Variants in PRKDC observed in about 807,000 individuals in gnomAD.
The protein encoded by PRKDC is protein kinase, DNA-activated, catalytic subunit.
In PRKDC, 82 loss-of-function variants were observed where a neutral mutation model predicts 486.9. That is an observed-to-expected ratio of 0.17 (90% CI 0.14 to 0.20). The LOEUF (loss-of-function observed/expected upper bound fraction) is 0.20, where lower values mean the gene tolerates loss of function less well. PRKDC is among the 10% of genes least tolerant of loss of function. The probability of loss-of-function intolerance (pLI) is 1.00; values close to 1 mark genes in which losing one functional copy is unlikely to be tolerated. For synonymous variants in PRKDC, 1,895 were observed against 1,837.0 expected, an observed-to-expected ratio of 1.03 and a Z score of -0.81; for missense variants, 4,504 against 5,038.2, an observed-to-expected ratio of 0.89 and a Z score of 3.21.
chr8:47,930,833 G>A (rs576642593), intron 16 of PRKDC, 46 bp from the exon 17 acceptor site: 44 of 1,487,710 alleles, frequency 3.0e-5, no homozygotes, highest in Admixed American at 4.9e-5. Context: ...ATTCAATCAC[G>A]AATCACTCAA....
chr8:47,935,088 A>C, intron 13 of PRKDC, 30 bp from the exon 14 acceptor site: 1 of 1,402,320 alleles, frequency 7.1e-7, no homozygotes, highest in Non-Finnish European at 9.7e-7. Flanking sequence ...ACAAAAATGA[A>C]GGAAACACTG....
intron 25 of PRKDC, among the ~76,000 whole-genome samples, chr8:47,906,665 AAC>A (rs1042385887): frequency 2.7e-5 from 4 of 150,908 alleles, no homozygotes; most frequent in African/African-American, 9.7e-5. Context: ...AGTTAAGGTG[AAC>A]ACTCCCTACA....
intron 46 of PRKDC, among the ~76,000 whole-genome samples, chr8:47,859,258 A>C (rs1174298329): frequency 6.6e-6 from 1 of 151,412 alleles, no homozygotes; most frequent in Non-Finnish European, 1.5e-5. Context: ...TGTTACACTG[A>C]CCCCTGACCC....
intron 32 of PRKDC, 88 bp from the exon 33 acceptor site, chr8:47,889,310 G>A (rs1028933098): frequency 8.8e-7 from 1 of 1,141,696 alleles, no homozygotes; most frequent in Non-Finnish European, 1.2e-6. Flanking sequence ...GGGAACTTCT[G>A]CCTGACTAAG....
In PRKDC at chr8:47,936,343, G is replaced by C. The variant is rs1247369910; in HGVS notation, c.1278+10C>G. On this transcript the variant is annotated intron_variant, in intron 12 of 85. Transcript: ENST00000314191. ...AATACTTAAAATTGTGCTCAGTTTA[G>C]TTCACTTACTGTGTCAAGGTACAGC... The C allele has an allele frequency of 3.1e-6, 5 of 1,599,440 alleles. No individual in the cohort carries two copies. Among genetic ancestry groups the C allele is most frequent in the Non-Finnish European group, 2.6e-6 (3 of 1,172,532 alleles).
intron 59 of PRKDC, among the ~76,000 whole-genome samples, 189 bp from the exon 60 acceptor site, chr8:47,832,115 C>A (rs868702859): frequency 6.6e-6 from 1 of 152,240 alleles, no homozygotes; most frequent in Non-Finnish European, 1.5e-5. Flanking sequence ...GGCATGAGCG[C>A]TGAACGGGCC....
intron 52 of PRKDC, among the ~76,000 whole-genome samples, chr8:47,850,472 T>C (rs569541727): frequency 2.0e-5 from 3 of 151,944 alleles, no homozygotes; most frequent in African/African-American, 4.8e-5. Flanking sequence ...AACCAGAAAA[T>C]GGAAACACTC....
At chr8:47,939,928 G>C in intron 10 of PRKDC, 1 of 155,242 alleles carries the variant, frequency 6.4e-6, no homozygotes. Flanking sequence ...GGGACTAAGA[G>C]ACCAAGGATA....
At chr8:47,948,538 C>T (rs2090575314) in intron 7 of PRKDC, among the ~76,000 whole-genome samples, 1 of 150,194 alleles carries the variant, frequency 6.7e-6, no homozygotes, top group Non-Finnish European at 1.5e-5. Flanking sequence ...CAGCTCACTG[C>T]AACCTCCGCC....
intron 22 of PRKDC, among the ~76,000 whole-genome samples, chr8:47,916,872 G>A (rs148716256): frequency 1.1e-4 from 16 of 152,250 alleles, no homozygotes; most frequent in South Asian, 6.2e-4. Flanking sequence ...GCAAATTAAC[G>A]GAGTAAAAAT....
At chr8:47,811,001 G>C (rs1196551119) in intron 68 of PRKDC, among the ~76,000 whole-genome samples, 2 of 152,098 alleles carry the variant, frequency 1.3e-5, no homozygotes, top group Non-Finnish European at 2.9e-5. Flanking sequence ...GAGAAATTTG[G>C]ACAAAAAGCA....
chr8:47,876,487 C>T (rs150058905), intron 40 of PRKDC, among the ~76,000 whole-genome samples: 3 of 152,110 alleles, frequency 2.0e-5, no homozygotes, highest in African/African-American at 4.8e-5. Flanking sequence ...CATGGTGAGA[C>T]CCCGTCTCTA....
intron 42 of PRKDC, 26 bp from the exon 43 acceptor site, chr8:47,862,567 C>G (rs1189635905): frequency 1.3e-6 from 2 of 1,566,848 alleles, no homozygotes; most frequent in Admixed American, 1.9e-5. Context: ...TGTGACAAAT[C>G]AATTCACACA....
chr8:47,773,478 TC>T lies in PRKDC; in HGVS notation c.*694del. The T allele has an allele frequency of 4.6e-6, 1 of 219,190 alleles. No individual in the cohort carries two copies. The highest frequency in any genetic ancestry group is 2.2e-5 in the African/African-American group (1 of 44,740). 13.6% of individuals were successfully genotyped at this position (219,190 alleles called of 1,614,324 possible). A position where few individuals can be genotyped will look rare whatever the true frequency, so the allele number is the denominator to read the frequency against. Reference sequence around the variant, plus strand: ...CAATGCAAAGCACTTTTATGTATCTTCCAGTTGTAGATTGGAATAGCAAAAG... The same window carrying T: ...CAATGCAAAGCACTTTTATGTATCTTCAGTTGTAGATTGGAATAGCAAAAG... On this transcript the variant is annotated 3_prime_UTR_variant, in exon 86 of 86. Transcript: ENST00000314191.
intron 70 of PRKDC, 30 bp from the exon 71 acceptor site, chr8:47,801,016 A>G: frequency 1.3e-6 from 2 of 1,583,984 alleles, no homozygotes; most frequent in Non-Finnish European, 1.7e-6. Flanking sequence ...AAACAAAACA[A>G]AATTTTGTAT....
At chr8:47,814,329 AC>A (rs1218532864) in intron 68 of PRKDC, among the ~76,000 whole-genome samples, 3 of 152,194 alleles carry the variant, frequency 2.0e-5, no homozygotes, top group Admixed American at 2.0e-4. Flanking sequence ...TCATTTTAGC[AC>A]GTATATTCAA....
At position 47,960,102 on chromosome 8, in the gene PRKDC, G is replaced by A; in HGVS notation, c.25C>T (p.Arg9Cys). 1.3e-6 allele frequency: 2 copies of A among 1,513,930 alleles called. No individual in the cohort carries two copies. Among genetic ancestry groups the A allele is most frequent in the Non-Finnish European group, 8.8e-7 (1 of 1,135,902 alleles). The allele number at this position is 1,513,930 out of a possible 1,614,324, so 93.8% of individuals were successfully genotyped here. A position where few individuals can be genotyped will look rare whatever the true frequency, so the allele number is the denominator to read the frequency against. Residue 9 changes from arginine to cysteine, a missense_variant, in exon 1 of 86, where the codon CGT (arginine) becomes TGT (cysteine). Physicochemically the swap from Arg to Cys is radical, Grantham distance 180. Around this residue, in one of 6 missense-constraint regions of PRKDC, gnomAD observed 145 missense variants for 136.3 expected, o/e 1.06. Coordinates refer to ENST00000314191, the MANE Select transcript of PRKDC (RefSeq NM_006904.7). MAGSGAGVRCSLLRLQETL... is the reference protein window; with the variant it reads MAGSGAGVCCSLLRLQETL... The stretch of plus-strand genomic sequence containing the variant: ...TCCTGCAGCCGCAGCAGGGAGCAAC[G>A]CACACCGGCTCCGGAGCCCGCCATG...
chr8:47,928,104 A>C (rs74977672), intron 19 of PRKDC, among the ~76,000 whole-genome samples: 1 of 151,946 alleles, frequency 6.6e-6, no homozygotes, highest in African/African-American at 2.4e-5. Context: ...AATCTATTTC[A>C]TCTTGAGTTG....
chr8:47,929,176 T>C lies in PRKDC; in HGVS notation c.2055A>G (p.Gly685=), dbSNP rs1731653620. 2 of 1,562,808 alleles carry C rather than the reference T, an allele frequency of 1.3e-6. No homozygotes were observed. The highest frequency in any genetic ancestry group is 3.7e-5 in the Admixed American group (2 of 53,536). The change falls in exon 19 of 86, where the codon GGA becomes GGG. Residue 685 remains glycine, a splice_region_variant and synonymous_variant. Coordinates refer to ENST00000314191, the MANE Select transcript of PRKDC (RefSeq NM_006904.7). ...AGTGTTTCAGACTCTTTGGACTAAC[T>C]CCCTGTCAAATAAAACAGCAAGTTA... ...RNAKKIKYFE[G]VSPKSLKHSP...
Sources: allele counts gnomAD v4.1 joint callset (sites outside exome capture counted in the v4.1 genomes callset), GRCh38; gene constraint gnomAD v4.1.1; regional missense constraint gnomAD v4.1.1; transcripts MANE v1.5; gene names NCBI Gene and HGNC (gene_info 2026-07-23, HGNC 2026-07-21).